LRRC3B: variants seen among roughly 807,000 people sequenced by gnomAD.
LRRC3B encodes the protein leucine rich repeat containing 3B.
LRRC3B carries 2 observed loss-of-function variants against 12.8 expected under a neutral mutation model. The observed-to-expected ratio is 0.16, with a 90% CI of 0.06 to 0.49. LRRC3B has a LOEUF of 0.49. Ranked by LOEUF, LRRC3B falls within the 20% of genes least tolerant of loss-of-function variation. The pLI, the probability that LRRC3B is intolerant of heterozygous loss-of-function variation, is 0.96. For synonymous variants in LRRC3B, 132 were observed against 122.0 expected (o/e 1.08, Z -0.54); for missense variants, 189 against 319.4 (o/e 0.59, Z 3.11).
At chr3:26,705,986 A>AGT (rs1015828929) in intron 1 of LRRC3B, among the ~76,000 whole-genome samples, 1 of 152,112 alleles carries the variant, frequency 6.6e-6, no homozygotes, top group Non-Finnish European at 1.5e-5. Flanking sequence ...TGGACATCTA[A>AGT]GTCTTTTTGC....
chr3:26,642,478 A>G (rs546708429), intron 1 of LRRC3B, among the ~76,000 whole-genome samples: 1 of 152,362 alleles, frequency 6.6e-6, no homozygotes, highest in East Asian at 1.9e-4. Context: ...GAAATAAGCC[A>G]GAGAACTTCA....
chr3:26,665,925 T>A (rs554989553), intron 1 of LRRC3B, among the ~76,000 whole-genome samples: 2 of 152,292 alleles, frequency 1.3e-5, no homozygotes, highest in South Asian at 4.1e-4. Flanking sequence ...AATGTTGTAA[T>A]TACATCTGAC....
chr3:26,702,637 T>A (rs1700484668), intron 1 of LRRC3B, among the ~76,000 whole-genome samples: 1 of 151,948 alleles, frequency 6.6e-6, no homozygotes, highest in Admixed American at 6.6e-5. Flanking sequence ...CCATCGGGAG[T>A]CATTAGTGCT....
intron 1 of LRRC3B, among the ~76,000 whole-genome samples, chr3:26,699,979 G>T (rs997812395): frequency 2.3e-4 from 35 of 152,224 alleles, no homozygotes; most frequent in African/African-American, 6.3e-4. Flanking sequence ...TTTTTCCAGT[G>T]GATTCATTGG....
intron 1 of LRRC3B, among the ~76,000 whole-genome samples, chr3:26,667,639 G>A (rs1421909256): frequency 6.6e-6 from 1 of 152,146 alleles, no homozygotes; most frequent in East Asian, 1.9e-4. Flanking sequence ...CAAAAGGAGG[G>A]TGTGCCTTGT....
At chr3:26,665,015 T>C (rs1163023594) in intron 1 of LRRC3B, among the ~76,000 whole-genome samples, 2 of 151,784 alleles carry the variant, frequency 1.3e-5, no homozygotes, top group Non-Finnish European at 2.9e-5. Context: ...TGCTGGTCTG[T>C]ACCAGTTTAA....
At chr3:26,669,510 A>G (rs377704386) in intron 1 of LRRC3B, among the ~76,000 whole-genome samples, 2 of 152,288 alleles carry the variant, frequency 1.3e-5, no homozygotes, top group South Asian at 2.1e-4. Flanking sequence ...GGAGATGAAT[A>G]TTACCTTTTT....
chr3:26,642,492 C>A (rs936666477), intron 1 of LRRC3B, among the ~76,000 whole-genome samples: 1 of 152,124 alleles, frequency 6.6e-6, no homozygotes, highest in Non-Finnish European at 1.5e-5. Context: ...AACTTCATAA[C>A]CCATAGGATG....
chr3:26,696,011 T>C (rs1393331875), intron 1 of LRRC3B, among the ~76,000 whole-genome samples: 3 of 152,248 alleles, frequency 2.0e-5, no homozygotes, highest in Admixed American at 1.3e-4. Context: ...ATCAGCTGGC[T>C]CGTTCAATGA....
intron 1 of LRRC3B, among the ~76,000 whole-genome samples, chr3:26,661,516 A>G (rs1009286589): frequency 6.6e-5 from 10 of 152,160 alleles, no homozygotes; most frequent in African/African-American, 2.4e-4. Context: ...TCTTCCCTTT[A>G]TACCCTATTT....
intron 1 of LRRC3B, among the ~76,000 whole-genome samples, chr3:26,638,965 C>A (rs978763082): frequency 1.3e-5 from 2 of 151,948 alleles, no homozygotes; most frequent in Admixed American, 1.3e-4. Flanking sequence ...CAGGTGGAGA[C>A]GAGGTAGGGA....
intron 1 of LRRC3B, among the ~76,000 whole-genome samples, chr3:26,625,956 G>A (rs1184491668): frequency 1.3e-5 from 2 of 152,226 alleles, no homozygotes; most frequent in Non-Finnish European, 2.9e-5. Context: ...GTGGGGCTGA[G>A]TGGTCTGGTG....
intron 1 of LRRC3B, among the ~76,000 whole-genome samples, chr3:26,675,937 A>G (rs1187074754): frequency 6.8e-6 from 1 of 147,262 alleles, no homozygotes; most frequent in Non-Finnish European, 1.5e-5. Flanking sequence ...TCCTTCATTC[A>G]TTTCATTTTT....
intron 1 of LRRC3B, among the ~76,000 whole-genome samples, chr3:26,679,565 C>G (rs1410188818): frequency 6.6e-6 from 1 of 152,210 alleles, no homozygotes; most frequent in East Asian, 1.9e-4. Flanking sequence ...TCAAGTGTTA[C>G]CTCCCTGGGG....
chr3:26,660,223 T>C (rs1699466337), intron 1 of LRRC3B, among the ~76,000 whole-genome samples: 1 of 152,164 alleles, frequency 6.6e-6, no homozygotes, highest in South Asian at 2.1e-4. Flanking sequence ...CGGATGCAGG[T>C]AGTAGAGTTG....
chr3:26,653,310 G>A (rs958705083), intron 1 of LRRC3B, among the ~76,000 whole-genome samples: 3 of 152,142 alleles, frequency 2.0e-5, no homozygotes, highest in Admixed American at 6.5e-5. Context: ...GTCAGAGCCT[G>A]TACCTGAACA....
At chr3:26,710,433 A>G in exon 2 of LRRC3B, 1 of 1,610,288 alleles carries the variant, frequency 6.2e-7, no homozygotes, top group South Asian at 1.1e-5. Context: ...GAACCTGATG[A>G]TATTAGCACT....
At chr3:26,709,385 T>C (rs779851646) in intron 1 of LRRC3B, 128 bp from the exon 2 acceptor site, 3 of 414,426 alleles carry the variant, frequency 7.2e-6, no homozygotes, top group East Asian at 8.5e-5. Context: ...CCCAGTGGCA[T>C]TGATGGAAAT....
chr3:26,668,774 A>T (rs1485740341), intron 1 of LRRC3B, among the ~76,000 whole-genome samples: 1 of 152,240 alleles, frequency 6.6e-6, no homozygotes, highest in Non-Finnish European at 1.5e-5. Flanking sequence ...CCAGCAATGA[A>T]CAGTTACCAT....
Sources: allele counts gnomAD v4.1 joint callset (sites outside exome capture counted in the v4.1 genomes callset), GRCh38; gene constraint gnomAD v4.1.1; transcripts MANE v1.5; gene names NCBI Gene and HGNC (gene_info 2026-07-23, HGNC 2026-07-21).